SACS: variants seen among roughly 807,000 people sequenced by gnomAD.
SACS encodes sacsin molecular chaperone, also known as sacsin.
Under a neutral mutation model 348.0 loss-of-function variants are expected in SACS, and 197 were observed. That is an observed-to-expected ratio of 0.57 (90% CI 0.50 to 0.64). The LOEUF is 0.64. Ranked by LOEUF, SACS falls within the 30% of genes least tolerant of loss-of-function variation. The probability of loss-of-function intolerance (pLI) is 0.00; values close to 1 mark genes in which losing one functional copy is unlikely to be tolerated. For missense variants in SACS, 4,999 were observed against 5,360.8 expected (o/e 0.93, Z 2.11); for synonymous variants, 1,985 against 1,910.6 (o/e 1.04, Z -1.02).
At position 23,341,190 on chromosome 13, in the gene SACS, G is replaced by C. The variant is rs760556327; in HGVS notation, c.2686C>G (p.Leu896Val). ...CTCAGGGCATCTTTGTGTGTTGGAA[G>C]TAGCGAAGTTATTTGATTACACAAT... is the stretch of plus-strand genomic sequence containing the variant. ...QKLCNQITSLLPTHKDALRKF... is the reference protein window; with the variant it reads ...QKLCNQITSLVPTHKDALRKF... The change falls in exon 10 of 10, where the codon CTT becomes GTT. Residue 896 changes from leucine (L) to valine (V), a missense_variant. Around this residue, in one of 6 missense-constraint regions of SACS, gnomAD observed 3,156 missense variants for 3,380.1 expected, o/e 0.93. Coordinates refer to ENST00000382292, the MANE Select transcript of SACS (RefSeq NM_014363.6). 1 of 1,613,494 alleles carries C rather than the reference G, an allele frequency of 6.2e-7. No homozygotes were observed. The highest frequency in any genetic ancestry group is 2.2e-5 in the East Asian group (1 of 44,884).
chr13:23,383,176 C>T (rs924319799), intron 2 of SACS, among the ~76,000 whole-genome samples: 10 of 151,986 alleles, frequency 6.6e-5, no homozygotes, highest in African/African-American at 1.7e-4. Context: ...AAGTAATAAA[C>T]GGTGGTCATT....
chr13:23,349,427 T>C (rs189956888), intron 9 of SACS, among the ~76,000 whole-genome samples: 19 of 152,342 alleles, frequency 1.2e-4, no homozygotes, highest in African/African-American at 3.6e-4. Flanking sequence ...GAAATACTTA[T>C]GGGATTCCAA....
rs562978036 is a variant in SACS at position 23,387,441 on chromosome 13, G to T, written c.21-12172C>A. On this transcript the variant is annotated intron_variant, in intron 2 of 9. Transcript: ENST00000382292. ...CGTGCCACTGCACTCCAGCCTGGGC[G>T]ACAGAGCAAGACTCCGTCTCAGAAA... is the stretch of plus-strand genomic sequence containing the variant. Among the ~76,000 whole-genome samples, 7 of 131,860 alleles carry T rather than the reference G, an allele frequency of 5.3e-5. No homozygotes were observed. In the South Asian group the frequency reaches 1.5e-3, roughly 29 times the overall value. 86.5% of individuals were successfully genotyped at this position (131,860 alleles called of 152,430 possible). A position where few individuals can be genotyped will look rare whatever the true frequency, so the allele number is the denominator to read the frequency against.
chr13:23,356,217 T>C (rs898592908), intron 7 of SACS, among the ~76,000 whole-genome samples: 4 of 152,216 alleles, frequency 2.6e-5, no homozygotes, highest in African/African-American at 4.8e-5. Context: ...ATGCCAGGCA[T>C]AGAGACTTTG....
chr13:23,406,856 A>G (rs116274412), intron 2 of SACS, among the ~76,000 whole-genome samples: 1,644 of 152,304 alleles, frequency 0.011, 24 homozygotes, highest in African/African-American at 0.038. Context: ...CAAAAAGGGG[A>G]CATCATTGTA....
intron 9 of SACS, among the ~76,000 whole-genome samples, chr13:23,346,619 C>T (rs1326388410): frequency 6.6e-6 from 1 of 151,948 alleles, no homozygotes; most frequent in South Asian, 2.1e-4. Context: ...ATGGTTTTAC[C>T]GTGGTATTTG....
intron 2 of SACS, among the ~76,000 whole-genome samples, chr13:23,405,052 A>T (rs1409880249): frequency 6.6e-6 from 1 of 152,238 alleles, no homozygotes; most frequent in Non-Finnish European, 1.5e-5. Context: ...ATAATTAGAA[A>T]AAACTACTTT....
In SACS at chr13:23,350,867, C is replaced by T. The variant is rs1566077082; in HGVS notation, c.2185+2918G>A. 3.3e-5 allele frequency among the ~76,000 whole-genome samples: 5 copies of T among 152,292 alleles called. No homozygotes were observed. In the South Asian group the frequency reaches 1.0e-3, roughly 32 times the overall value. ...ACATGATTGGTAAGTTGAGAAAAAG[C>T]ATCTGCACATGCTCAGCAGGACTCA... is the stretch of plus-strand genomic sequence containing the variant. On this transcript the variant is annotated intron_variant, in intron 9 of 9. Transcript: ENST00000382292.
At position 23,336,720 on chromosome 13, in the gene SACS, A is replaced by T; in HGVS notation, c.7156T>A (p.Phe2386Ile). The change falls in exon 10 of 10, where the codon TTT becomes ATT. Residue 2386 changes from phenylalanine (F) to isoleucine (I), a missense_variant. This residue lies in a region of SACS where 3,156 missense variants were observed against 3,380.1 expected (regional missense o/e 0.93). Coordinates refer to ENST00000382292, the MANE Select transcript of SACS (RefSeq NM_014363.6). ...NKYKNNFREL[F>I]ETVGVRQSCT... Reference sequence around the variant, plus strand: ...GACTGCCTCACACCCACGGTTTCAAAAAGTTCGCGGAAATTATTTTTATAC... The same window carrying T: ...GACTGCCTCACACCCACGGTTTCAATAAGTTCGCGGAAATTATTTTTATAC... 6.2e-7 allele frequency: 1 copy of T among 1,613,894 alleles called. No homozygotes were observed. The highest frequency in any genetic ancestry group is 8.5e-7 in the Non-Finnish European group (1 of 1,179,890).
intron 2 of SACS, among the ~76,000 whole-genome samples, chr13:23,406,358 C>T (rs576082372): frequency 6.6e-6 from 1 of 151,388 alleles, no homozygotes; most frequent in South Asian, 2.1e-4. Context: ...TGGGGGGAAA[C>T]ACCACACACC....
rs138379074 is a variant in SACS at position 23,337,236 on chromosome 13, G to A, written c.6640C>T (p.Arg2214Cys). ...KDFAAKYQTI[R>C]FLPFLTKPAG... ...GGTTTTGTCAGAAATGGAAGGAAGC[G>A]GATTGTTTGATATTTTGCAGCAAAA... Residue 2214 changes from arginine to cysteine, a missense_variant, in exon 10 of 10, where the codon CGC becomes TGC. By Grantham distance (180) the Arg-to-Cys change is radical (BLOSUM62 -3). Transcript: ENST00000382292. The A allele has an allele frequency of 1.7e-4, 272 of 1,613,834 alleles. No individual in the cohort carries two copies. The highest frequency in any genetic ancestry group is 2.4e-4 in the African/African-American group (18 of 74,996).
chr13:23,347,757 A>C (rs1457702084), intron 9 of SACS, among the ~76,000 whole-genome samples: 1 of 152,214 alleles, frequency 6.6e-6, no homozygotes, highest in Non-Finnish European at 1.5e-5. Flanking sequence ...TGCATGAAAG[A>C]TGAGCAGAGG....
intron 1 of SACS, among the ~76,000 whole-genome samples, chr13:23,412,404 A>G (rs1215238206): frequency 3.1e-5 from 4 of 128,614 alleles, no homozygotes; most frequent in Non-Finnish European, 6.4e-5. Context: ...TTAAATCCAA[A>G]CCCTTTTTTT....
At chr13:23,375,497 G>A (rs1389828892) in intron 2 of SACS, 6 of 1,137,844 alleles carry the variant, frequency 5.3e-6, no homozygotes, top group Non-Finnish European at 6.5e-6. Context: ...GCAGCAGCCC[G>A]CGCCGAGGAG....
At chr13:23,403,443 A>C (rs910027082) in intron 2 of SACS, among the ~76,000 whole-genome samples, 1 of 152,128 alleles carries the variant, frequency 6.6e-6, no homozygotes, top group African/African-American at 2.4e-5. Flanking sequence ...TTATTGGTCT[A>C]TTCAGGGATT....
At chr13:23,416,916 G>A (rs1158374580) in intron 1 of SACS, among the ~76,000 whole-genome samples, 1 of 152,146 alleles carries the variant, frequency 6.6e-6, no homozygotes, top group East Asian at 1.9e-4. Context: ...GAACAGGGAG[G>A]AGGGGAAGGA....
chr13:23,401,553 A>T (rs1872978064), intron 2 of SACS, among the ~76,000 whole-genome samples: 1 of 152,242 alleles, frequency 6.6e-6, no homozygotes, highest in Non-Finnish European at 1.5e-5. Context: ...AGGCTATGTC[A>T]TGGACGGATC....
chr13:23,429,564 C>T (rs1281178565), intron 1 of SACS, among the ~76,000 whole-genome samples: 15 of 151,638 alleles, frequency 9.9e-5, no homozygotes, highest in African/African-American at 4.8e-5. Flanking sequence ...GGGGTTTCAC[C>T]GTGTTAGCCA....
intron 2 of SACS, 129 bp downstream of exon 2, chr13:23,411,091 T>C (rs886464175): frequency 1.3e-6 from 1 of 759,592 alleles, no homozygotes; most frequent in Non-Finnish European, 2.3e-6. Flanking sequence ...AACTGAGATA[T>C]GGATGGTTAG....
Sources: allele counts gnomAD v4.1 joint callset (sites outside exome capture counted in the v4.1 genomes callset), GRCh38; gene constraint gnomAD v4.1.1; regional missense constraint gnomAD v4.1.1; transcripts MANE v1.5; gene names NCBI Gene and HGNC (gene_info 2026-07-23, HGNC 2026-07-21).